HSPG2: variants seen among roughly 807,000 people sequenced by gnomAD.
HSPG2 encodes the protein heparan sulfate proteoglycan 2, also known as basement membrane-specific heparan sulfate proteoglycan core protein.
A neutral mutation model predicts 526.6 loss-of-function variants in HSPG2; 278 were observed. The ratio of observed to expected loss-of-function variants is 0.53; its 90% CI spans 0.48 to 0.58. The LOEUF is 0.58. HSPG2 is among the 20% of genes least tolerant of loss of function. The probability of loss-of-function intolerance (pLI) is 0.00; values close to 1 mark genes in which losing one functional copy is unlikely to be tolerated. For synonymous variants in HSPG2, 2,465 were observed against 2,555.4 expected (o/e 0.96, Z 1.07); for missense variants, 5,354 against 6,099.5 (o/e 0.88, Z 4.07).
rs545633838 is a variant in HSPG2 at position 21,861,683 on chromosome 1, C to T, written c.4955+74G>A. On this transcript the variant is annotated intron_variant, in intron 39 of 96. Transcript: ENST00000374695. ...TCCTAGAAGAGACTTTTCTGAGCAA[C>T]ACCCTTTAAGGCTCTCACTTGGGAG... is the stretch of plus-strand genomic sequence containing the variant. The T allele has an allele frequency of 2.1e-4, 282 of 1,356,368 alleles. No individual in the cohort carries two copies. The African/African-American group carries it at 3.8e-3, about 18-fold the overall frequency. The allele number at this position is 1,356,368 out of a possible 1,614,324, so 84.0% of individuals were successfully genotyped here.
At chr1:21,908,845 G>A (rs1290077344) in intron 1 of HSPG2, among the ~76,000 whole-genome samples, 1 of 152,216 alleles carries the variant, frequency 6.6e-6, no homozygotes, top group Non-Finnish European at 1.5e-5. Flanking sequence ...GTCAGGACAG[G>A]CTGGGTGCGG....
chr1:21,879,273 T>A (rs1466758290), intron 17 of HSPG2, 152 bp from the exon 18 acceptor site: 2 of 825,190 alleles, frequency 2.4e-6, no homozygotes, highest in Non-Finnish European at 3.9e-6. Context: ...CACTTATAGA[T>A]GATGGGGAGC....
At chr1:21,906,733 G>GA (rs1557817979) in intron 1 of HSPG2, among the ~76,000 whole-genome samples, 1 of 150,796 alleles carries the variant, frequency 6.6e-6, no homozygotes, top group African/African-American at 2.4e-5. Flanking sequence ...CTGGGGGGTG[G>GA]GGGGGGGTCA....
rs374578591 is a variant in HSPG2, at chr1:21,920,865, A to G, written c.63+16290T>C. Among the ~76,000 whole-genome samples, 3 of 152,186 alleles carry G rather than the reference A, an allele frequency of 2.0e-5. No individual in the cohort carries two copies. The South Asian group carries it at 6.2e-4, about 32-fold the overall frequency. On this transcript the variant is annotated intron_variant, in intron 1 of 96. Transcript: ENST00000374695. ...GCCTAGCGTGGCTGAGATCTCTGCT[A>G]AGCCCCTGTTCTCTTCATCCTTCCA...
At chr1:21,875,250 C>T (rs975078000) in intron 25 of HSPG2, 1 of 604,272 alleles carries the variant, frequency 1.7e-6, no homozygotes, top group South Asian at 1.9e-5. Context: ...TCCCCAATGA[C>T]AGGCTGATAC....
chr1:21,833,387 G>A lies in HSPG2; in HGVS notation c.10979-3C>T, dbSNP rs2098012985. ...CGTGAAGTAGGGCACCACCCGCTCT[G>A]CCAGCAGAGAGCACAGCTGAAGACC... On this transcript the variant is annotated splice_polypyrimidine_tract_variant and splice_region_variant and intron_variant, in intron 79 of 96. Coordinates refer to ENST00000374695, the MANE Select transcript of HSPG2 (RefSeq NM_005529.7). 1 of 1,613,960 alleles carries A rather than the reference G, an allele frequency of 6.2e-7. No homozygotes were observed. Among genetic ancestry groups the A allele is most frequent in the African/African-American group, 1.3e-5 (1 of 74,926 alleles).
In HSPG2 at chr1:21,839,513, A is replaced by C. The variant is rs2098040182; in HGVS notation, c.9747T>G (p.Arg3249=). 1 of 1,613,940 alleles carries C rather than the reference A, an allele frequency of 6.2e-7. No individual in the cohort carries two copies. Among genetic ancestry groups the C allele is most frequent in the Non-Finnish European group, 8.5e-7 (1 of 1,180,002 alleles). Residue 3249 remains arginine, a synonymous_variant, in exon 73 of 97, where the codon CGT becomes CGG. Transcript: ENST00000374695. This position sits in a 1 kb window ranked among gnomAD's most constrained non-coding sequence, Gnocchi z 4.5. Reference sequence around the variant, plus strand: ...GCCGGTGCTGCCAGGGCAGTGGGGAACGCAGCTTGGACCAGTGGATGGTGG... The same window carrying C: ...GCCGGTGCTGCCAGGGCAGTGGGGACCGCAGCTTGGACCAGTGGATGGTGG... ...PAPTIHWSKL[R]SPLPWQHRLE...
chr1:21,864,922 G>A lies in HSPG2; in HGVS notation c.4547C>T (p.Pro1516Leu), dbSNP rs749725739. ...ISAVSLEVAQ[P>L]GPSNRPRALE... Reference sequence around the variant, plus strand: ...GGCGCGGGGTCTGTTTGAGGGCCCCGGCTGGGCGACCTCCAGGCTGACTGC... The same window carrying A: ...GGCGCGGGGTCTGTTTGAGGGCCCCAGCTGGGCGACCTCCAGGCTGACTGC... The change falls in exon 36 of 97, where the codon CCG becomes CTG. Residue 1516 changes from proline (P) to leucine (L), a missense_variant. Pro to Leu is a moderately conservative substitution (Grantham distance 98, BLOSUM62 -3). Coordinates refer to ENST00000374695, the MANE Select transcript of HSPG2 (RefSeq NM_005529.7). The surrounding 1 kb of genome is among the most constrained non-coding windows in gnomAD (Gnocchi z 4.8). The A allele has an allele frequency of 6.8e-6, 11 of 1,608,322 alleles. No homozygotes were observed. The East Asian group carries it at 1.3e-4, about 20-fold the overall frequency.
Position 21,837,003 on chromosome 1 carries a change from G to A in HSPG2, c.10154C>T (p.Pro3385Leu), listed in dbSNP as rs1453891665. The change falls in exon 75 of 97, where the codon CCT becomes CTT. Residue 3385 changes from proline to leucine, a missense_variant. Transcript: ENST00000374695. ...GGAGGTGGCAGGGAGAGAGCCGGGA[G>A]GGCCTGCGGGGACATGTATGAGGTT... ...EAFAQLLVQG[P>L]PGSLPATSIP... 1.1e-5 allele frequency: 17 copies of A among 1,548,562 alleles called. No individual in the cohort carries two copies. Among genetic ancestry groups the A allele is most frequent in the Non-Finnish European group, 1.5e-5 (17 of 1,147,614 alleles).
chr1:21,863,946 C>T (rs1640024425), intron 37 of HSPG2, among the ~76,000 whole-genome samples, 154 bp downstream of exon 37: 1 of 152,196 alleles, frequency 6.6e-6, no homozygotes, highest in Admixed American at 6.5e-5. Context: ...CCCCACCATC[C>T]CCGGTGACCT....
At chr1:21,870,514 G>T (rs377485759) in intron 33 of HSPG2, among the ~76,000 whole-genome samples, 6 of 152,216 alleles carry the variant, frequency 3.9e-5, no homozygotes, top group African/African-American at 1.2e-4. Context: ...GGTTCATGGT[G>T]GTTGCTTGAG....
intron 74 of HSPG2, among the ~76,000 whole-genome samples, chr1:21,837,879 T>G (rs886610024): frequency 1.3e-5 from 2 of 152,064 alleles, no homozygotes; most frequent in South Asian, 4.1e-4. Flanking sequence ...CTCACGCCGG[T>G]AATCCCAGCA....
intron 13 of HSPG2, among the ~76,000 whole-genome samples, chr1:21,881,942 C>CAAAAAAAA (rs10570430): frequency 2.3e-5 from 2 of 87,204 alleles, no homozygotes; most frequent in Non-Finnish European, 2.3e-5. Context: ...GACTCTGTCT[C>CAAAAAAAA]AAAAAAAAAA....
At chr1:21,897,202 C>G (rs1178169683) in intron 1 of HSPG2, among the ~76,000 whole-genome samples, 2 of 152,228 alleles carry the variant, frequency 1.3e-5, no homozygotes, top group African/African-American at 4.8e-5. Context: ...CCCAGGGGAG[C>G]CCAAGGGAAC....
chr1:21,851,476 TC>T, intron 55 of HSPG2, 69 bp downstream of exon 55: 1 of 1,606,642 alleles, frequency 6.2e-7, no homozygotes, highest in Non-Finnish European at 8.5e-7. Context: ...CCTCTAGCCC[TC>T]CCCCAATAAC....
chr1:21,844,005 C>G, intron 65 of HSPG2, 143 bp downstream of exon 65: 1 of 1,129,804 alleles, frequency 8.9e-7, no homozygotes, highest in Non-Finnish European at 1.3e-6. Flanking sequence ...GCCCAGCCCG[C>G]TCTCAACTTC....
intron 1 of HSPG2, among the ~76,000 whole-genome samples, chr1:21,913,358 G>A (rs1040552983): frequency 1.3e-5 from 2 of 152,200 alleles, no homozygotes; most frequent in African/African-American, 4.8e-5. Flanking sequence ...GGCAGGAAGG[G>A]CTGGCAAGGG....
intron 29 of HSPG2, among the ~76,000 whole-genome samples, 200 bp from the exon 30 acceptor site, chr1:21,873,624 T>C (rs112035172): frequency 6.4e-4 from 97 of 152,030 alleles, no homozygotes; most frequent in African/African-American, 2.2e-3. Context: ...TTGGGGCAGG[T>C]AGGAACCCAG....
At chr1:21,871,092 C>T (rs541882966) in intron 33 of HSPG2, among the ~76,000 whole-genome samples, 6 of 152,060 alleles carry the variant, frequency 3.9e-5, no homozygotes, top group East Asian at 1.9e-4. Context: ...ACCGGATGCC[C>T]GTGCTGCTCA....
Sources: gnomAD v4.1 joint callset for allele counts (sites outside exome capture counted in the v4.1 genomes callset) on GRCh38, gnomAD v4.1.1 for gene constraint, Gnocchi (gnomAD v3.1) non-coding constraint, MANE v1.5 for transcripts, NCBI Gene and HGNC (gene_info 2026-07-23, HGNC 2026-07-21) for gene names.